NF1: variants seen among roughly 807,000 people sequenced by gnomAD.
NF1 encodes the protein neurofibromin 1, also known as neurofibromin.
In NF1, 122 loss-of-function variants were observed where a neutral mutation model predicts 325.7. The ratio of observed to expected loss-of-function variants is 0.37; its 90% CI spans 0.32 to 0.44. The LOEUF (loss-of-function observed/expected upper bound fraction) is 0.44, where lower values mean the gene tolerates loss of function less well. NF1 is among the 20% of genes least tolerant of loss of function. NF1 has a pLI of 1.00. For missense variants in NF1, 2,140 were observed against 3,415.4 expected (o/e 0.63, Z 9.31); for synonymous variants, 1,091 against 1,186.0 (o/e 0.92, Z 1.65).
At chr17:31,310,978 A>T (rs1484038494) in intron 36 of NF1, among the ~76,000 whole-genome samples, 1 of 140,836 alleles carries the variant, frequency 7.1e-6, no homozygotes, top group Non-Finnish European at 1.5e-5. Context: ...ACAGGGTCTC[A>T]CTCTGTCACC....
chr17:31,354,351 G>A (rs766905272), intron 51 of NF1, among the ~76,000 whole-genome samples: 4 of 152,154 alleles, frequency 2.6e-5, no homozygotes, highest in Non-Finnish European at 4.4e-5. Context: ...ATATGTTTAA[G>A]AGCAGTGGGG....
At chr17:31,157,921 C>T (rs954566468) in intron 2 of NF1, among the ~76,000 whole-genome samples, 3 of 151,614 alleles carry the variant, frequency 2.0e-5, no homozygotes, top group South Asian at 2.1e-4. Flanking sequence ...AGCCAGGATG[C>T]GCCACTGCAC....
intron 5 of NF1, among the ~76,000 whole-genome samples, chr17:31,176,140 C>T (rs1318587719): frequency 6.6e-6 from 1 of 152,216 alleles, no homozygotes; most frequent in African/African-American, 2.4e-5. Context: ...CTCCCACCAA[C>T]AGTGTAAAAG....
intron 5 of NF1, among the ~76,000 whole-genome samples, chr17:31,179,113 A>G (rs2066078498): frequency 6.6e-6 from 1 of 152,192 alleles, no homozygotes; most frequent in Admixed American, 6.5e-5. Flanking sequence ...ACATAATTGG[A>G]ATACAACACT....
rs71142023 is a variant in NF1 at position 31,148,394 on chromosome 17, C to CT, written c.61-7573dup. ...ACAAGATGTTCCGGGGTCATTATGT[C>CT]TTTTTTTTTTTTTTTTCCTCCAGAC... On this transcript the variant is annotated intron_variant, in intron 1 of 57. Transcript: ENST00000358273. Among the ~76,000 whole-genome samples the CT allele has an allele frequency of 0.55, 73,517 of 134,360 alleles. 23,158 individuals carry two copies. The highest frequency in any genetic ancestry group is 0.76 in the Middle Eastern group (202 of 266). 88.1% of individuals were successfully genotyped at this position (134,360 alleles called of 152,430 possible). A position where few individuals can be genotyped will look rare whatever the true frequency, so the allele number is the denominator to read the frequency against.
intron 36 of NF1, among the ~76,000 whole-genome samples, chr17:31,273,075 T>C (rs1455441785): frequency 6.6e-6 from 1 of 152,146 alleles, no homozygotes; most frequent in East Asian, 1.9e-4. Flanking sequence ...ATATGGGGGC[T>C]TGAGATCAGT....
At chr17:31,303,914 G>A (rs1567883368) in intron 36 of NF1, 1 of 165,984 alleles carries the variant, frequency 6.0e-6, no homozygotes, top group Non-Finnish European at 1.3e-5. Context: ...AAACATAAAA[G>A]TTTATTCACC....
intron 1 of NF1, among the ~76,000 whole-genome samples, chr17:31,155,715 A>T (rs1334111374): frequency 2.0e-5 from 3 of 152,230 alleles, no homozygotes; most frequent in African/African-American, 7.2e-5. Flanking sequence ...TGACTTCCAG[A>T]AAGAAAGCTG....
intron 36 of NF1, among the ~76,000 whole-genome samples, chr17:31,322,120 C>T (rs1183763668): frequency 2.0e-5 from 3 of 151,266 alleles, no homozygotes; most frequent in East Asian, 3.9e-4. Context: ...CACACACACA[C>T]ACACACACAA....
chr17:31,248,053 T>G (rs925632502), intron 29 of NF1, among the ~76,000 whole-genome samples: 4 of 151,994 alleles, frequency 2.6e-5, no homozygotes, highest in African/African-American at 9.7e-5. Flanking sequence ...AAATATAAAA[T>G]TAGCCGGGCG....
chr17:31,332,468 T>A (rs555640912), intron 39 of NF1, among the ~76,000 whole-genome samples: 19 of 151,300 alleles, frequency 1.3e-4, no homozygotes. Flanking sequence ...TGTCTCAAAA[T>A]AAATAAATGA....
Position 31,201,504 on chromosome 17 carries a change from G to A in NF1, c.1260+19G>A, listed in dbSNP as rs373341575. 4 of 1,582,158 alleles carry A rather than the reference G, an allele frequency of 2.5e-6. No individual in the cohort carries two copies. The South Asian group carries it at 4.5e-5, about 18-fold the overall frequency. On this transcript the variant is annotated intron_variant, in intron 11 of 57. Transcript: ENST00000358273. The stretch of plus-strand genomic sequence containing the variant: ...CACCAATGTAAGTCCAAAAGGTATT[G>A]CTAAATTACTAAAAAAATTTTTTTC...
rs1326747209 is a variant in NF1 at position 31,336,194 on chromosome 17, G to A, written c.6007-139G>A. 1.2e-6 allele frequency: 1 copy of A among 814,118 alleles called. No homozygotes were observed. Among genetic ancestry groups the A allele is most frequent in the South Asian group, 1.6e-5 (1 of 62,194 alleles). 50.4% of individuals were successfully genotyped at this position (814,118 alleles called of 1,614,324 possible). A position where few individuals can be genotyped will look rare whatever the true frequency, so the allele number is the denominator to read the frequency against. On this transcript the variant is annotated intron_variant, in intron 40 of 57. Coordinates refer to ENST00000358273, the MANE Select transcript of NF1 (RefSeq NM_001042492.3). This position sits in a 1 kb window ranked among gnomAD's most constrained non-coding sequence, Gnocchi z 5.5. ...ATAAATTGTATTTACTGACAGGCCT[G>A]TAAATAAAATCTAGTATTTTTGAGG...
intron 19 of NF1, 55 bp downstream of exon 19, chr17:31,227,346 GCC>G: frequency 3.2e-6 from 5 of 1,574,558 alleles, no homozygotes; most frequent in Non-Finnish European, 4.4e-6. Context: ...CAATTTGGAA[GCC>G]TCTTGTTACA....
intron 1 of NF1, among the ~76,000 whole-genome samples, chr17:31,150,804 G>T (rs1916880755): frequency 6.6e-6 from 1 of 152,010 alleles, no homozygotes; most frequent in Non-Finnish European, 1.5e-5. Context: ...GGCCGAGGTG[G>T]GTGGATTACC....
intron 56 of NF1, chr17:31,360,226 G>A (rs2070367380): frequency 2.1e-6 from 1 of 483,430 alleles, no homozygotes; most frequent in Non-Finnish European, 3.8e-6. Flanking sequence ...TGATTGTATT[G>A]TCTCAGTATT....
chr17:31,241,212 C>T (rs1481993752), intron 29 of NF1, among the ~76,000 whole-genome samples: 1 of 152,206 alleles, frequency 6.6e-6, no homozygotes, highest in African/African-American at 2.4e-5. Flanking sequence ...TATTTTCAGT[C>T]TGTGTTTTTC....
At chr17:31,272,740 G>A (rs1406207587) in intron 36 of NF1, 1 of 152,126 alleles carries the variant, frequency 6.6e-6, no homozygotes, top group Admixed American at 6.5e-5. Context: ...CAGGCCAATC[G>A]GTGATAGCTT....
In NF1 at chr17:31,229,362, A is replaced by G. The variant is rs765043916; in HGVS notation, c.2747A>G (p.Asn916Ser). The G allele has an allele frequency of 5.7e-5, 92 of 1,613,808 alleles. No individual in the cohort carries two copies. Among genetic ancestry groups the G allele is most frequent in the Non-Finnish European group, 7.5e-5 (89 of 1,179,822 alleles). ...AAAGTGGGACTTCAAATACGGACCA[A>G]TGTTAAGGATCTGGTGGGTCTAGAA... ...HEKVGLQIRTNVKDLVGLELS... is the reference protein window; with the variant it reads ...HEKVGLQIRTSVKDLVGLELS... Residue 916 changes from asparagine (N) to serine (S), a missense_variant, in exon 21 of 58, where the codon AAT becomes AGT. Physicochemically the swap from Asn to Ser is conservative, Grantham distance 46. This residue lies in a region of NF1 where 380 missense variants were observed against 639.3 expected (regional missense o/e 0.59). Transcript: ENST00000358273.
Sources: allele counts gnomAD v4.1 joint callset (sites outside exome capture counted in the v4.1 genomes callset), GRCh38; gene constraint gnomAD v4.1.1; regional missense constraint gnomAD v4.1.1; non-coding constraint Gnocchi (gnomAD v3.1); transcripts MANE v1.5; gene names NCBI Gene and HGNC (gene_info 2026-07-23, HGNC 2026-07-21).